Variants in PHF20 observed in about 807,000 individuals in gnomAD.
PHF20 encodes PHD finger protein 20.
PHF20 carries 23 observed loss-of-function variants against 113.5 expected under a neutral mutation model. That is an observed-to-expected ratio of 0.20 (90% CI 0.15 to 0.29). The LOEUF (loss-of-function observed/expected upper bound fraction) is 0.29. PHF20 is among the 10% of genes least tolerant of loss of function. PHF20 has a pLI of 1.00. For synonymous variants in PHF20, 434 were observed against 457.3 expected (o/e 0.95, Z 0.65); for missense variants, 943 against 1,219.6 (o/e 0.77, Z 3.38).
intron 2 of PHF20, among the ~76,000 whole-genome samples, chr20:35,833,579 C>T (rs1215293447): frequency 1.3e-5 from 2 of 152,090 alleles, no homozygotes; most frequent in Non-Finnish European, 2.9e-5. Flanking sequence ...TTAAAAATTA[C>T]ATCTGGTGAA....
chr20:35,947,355 ATGGAGGCTGAAATGGCCCTTCCTCC>A, intron 17 of PHF20, 105 bp from the exon 18 acceptor site: 2 of 841,192 alleles, frequency 2.4e-6, no homozygotes, highest in South Asian at 2.2e-5. Flanking sequence ...CCCTTGCCCC[ATGGAGGCTGAAATGGCCCTTCCTCC>A]CTTGCCCCAT....
chr20:35,843,724 G>T (rs538273501), intron 3 of PHF20, among the ~76,000 whole-genome samples: 1 of 151,720 alleles, frequency 6.6e-6, no homozygotes, highest in Non-Finnish European at 1.5e-5. Context: ...CTGGGACCAC[G>T]GGCCCACCAC....
At chr20:35,803,135 C>G (rs1186066008) in intron 2 of PHF20, among the ~76,000 whole-genome samples, 1 of 150,698 alleles carries the variant, frequency 6.6e-6, no homozygotes, top group Non-Finnish European at 1.5e-5. Flanking sequence ...GCATGTAGTC[C>G]TAGCTACTCA....
chr20:35,823,703 G>A, intron 2 of PHF20, among the ~76,000 whole-genome samples: 1 of 149,038 alleles, frequency 6.7e-6, no homozygotes, highest in Non-Finnish European at 1.5e-5. Flanking sequence ...GTTACCCACA[G>A]AATTTCCTCA....
chr20:35,857,410 GA>G (rs2042850760), intron 4 of PHF20, among the ~76,000 whole-genome samples: 1 of 151,998 alleles, frequency 6.6e-6, no homozygotes, highest in East Asian at 1.9e-4. Context: ...CAGTGTAGCA[GA>G]AAAAAACTAA....
intron 1 of PHF20, among the ~76,000 whole-genome samples, chr20:35,785,586 C>T (rs1250719203): frequency 6.6e-6 from 1 of 151,902 alleles, no homozygotes; most frequent in African/African-American, 2.4e-5. Flanking sequence ...TCCCAATGTG[C>T]TGGGATTACT....
At chr20:35,836,733 A>G (rs1420853564) in intron 2 of PHF20, among the ~76,000 whole-genome samples, 2 of 150,596 alleles carry the variant, frequency 1.3e-5, no homozygotes, top group African/African-American at 4.9e-5. Context: ...AGTCCCAGCT[A>G]CTCGGGAGGC....
At chr20:35,868,724 C>T (rs1017269882) in intron 6 of PHF20, among the ~76,000 whole-genome samples, 12 of 152,216 alleles carry the variant, frequency 7.9e-5, no homozygotes, top group African/African-American at 2.4e-5. Flanking sequence ...TGGGGACCAG[C>T]AGCCTTGCCT....
intron 1 of PHF20, among the ~76,000 whole-genome samples, chr20:35,773,175 A>G (rs989588627): frequency 6.6e-6 from 1 of 152,166 alleles, no homozygotes; most frequent in African/African-American, 2.4e-5. Context: ...CCTTTTAGTT[A>G]TACAACTCTC....
chr20:35,857,492 C>A (rs2146962398), intron 4 of PHF20, among the ~76,000 whole-genome samples: 1 of 145,982 alleles, frequency 6.9e-6, no homozygotes, highest in South Asian at 2.2e-4. Context: ...GAACATAATT[C>A]AAATGGATTT....
intron 4 of PHF20, among the ~76,000 whole-genome samples, chr20:35,852,753 C>T (rs917321442): frequency 2.0e-5 from 3 of 151,850 alleles, no homozygotes; most frequent in Non-Finnish European, 4.4e-5. Context: ...TGTGTGCCAC[C>T]ACGCCTGGCT....
chr20:35,942,940 C>T (rs1036725971), intron 17 of PHF20, among the ~76,000 whole-genome samples: 11 of 152,202 alleles, frequency 7.2e-5, no homozygotes, highest in Admixed American at 6.5e-4. Context: ...TCTCCTGCCT[C>T]AGCCTCCCGC....
At chr20:35,852,740 A>C (rs1023714908) in intron 4 of PHF20, among the ~76,000 whole-genome samples, 11 of 151,540 alleles carry the variant, frequency 7.3e-5, no homozygotes, top group African/African-American at 2.7e-4. Flanking sequence ...CTGGGATTAC[A>C]GGTGTGTGCC....
intron 10 of PHF20, among the ~76,000 whole-genome samples, chr20:35,906,498 C>T (rs566706366): frequency 7.0e-6 from 1 of 142,334 alleles, no homozygotes; most frequent in East Asian, 1.9e-4. Context: ...CGTTTTTCCA[C>T]CAGGATCTGA....
chr20:35,871,279 A>G (rs2054416471), intron 8 of PHF20, 145 bp downstream of exon 8: 8 of 713,054 alleles, frequency 1.1e-5, no homozygotes, highest in South Asian at 1.1e-4. Flanking sequence ...TTTATAATGT[A>G]TTGCTCTTCA....
chr20:35,827,908 G>T (rs1377390652), intron 2 of PHF20, among the ~76,000 whole-genome samples: 4 of 152,220 alleles, frequency 2.6e-5, no homozygotes, highest in South Asian at 4.1e-4. Context: ...ATGTAAAAAG[G>T]GGGCAGTAAT....
chr20:35,814,320 C>G (rs1210867697), intron 2 of PHF20, among the ~76,000 whole-genome samples: 1 of 151,680 alleles, frequency 6.6e-6, no homozygotes, highest in African/African-American at 2.4e-5. Context: ...CTAGTTCAAG[C>G]AATTCTCCTG....
At chr20:35,866,090 A>G (rs1304819004) in intron 6 of PHF20, among the ~76,000 whole-genome samples, 1 of 151,962 alleles carries the variant, frequency 6.6e-6, no homozygotes, top group Non-Finnish European at 1.5e-5. Flanking sequence ...TGCACCTGTA[A>G]TCCCACCTAC....
chr20:35,850,306 T>C (rs1003480645), intron 4 of PHF20, among the ~76,000 whole-genome samples: 1 of 106,740 alleles, frequency 9.4e-6, no homozygotes, highest in Non-Finnish European at 1.9e-5. Flanking sequence ...GTTTTTTTTT[T>C]TTTTTTTTTT....
Sources: allele counts gnomAD v4.1 joint callset (sites outside exome capture counted in the v4.1 genomes callset), GRCh38; gene constraint gnomAD v4.1.1; transcripts MANE v1.5; gene names NCBI Gene and HGNC (gene_info 2026-07-23, HGNC 2026-07-21).